HIP1: variants seen among roughly 807,000 people sequenced by gnomAD.
HIP1 encodes huntingtin-interacting protein 1.
HIP1 carries 65 observed loss-of-function variants against 147.6 expected under a neutral mutation model. The ratio of observed to expected loss-of-function variants is 0.44; its 90% CI spans 0.36 to 0.54. The LOEUF is 0.54. HIP1 is among the 20% of genes least tolerant of loss of function. The probability of loss-of-function intolerance (pLI) is 0.00; values close to 1 mark genes in which losing one functional copy is unlikely to be tolerated. For synonymous variants in HIP1, 479 were observed against 504.0 expected (o/e 0.95, Z 0.67); for missense variants, 1,061 against 1,299.6 (o/e 0.82, Z 2.82).
intron 1 of HIP1, among the ~76,000 whole-genome samples, chr7:75,723,199 C>G (rs1306251402): frequency 1.3e-5 from 2 of 152,108 alleles, no homozygotes; most frequent in Non-Finnish European, 2.9e-5. Flanking sequence ...CACCCCATCC[C>G]ATCTCTACTA....
chr7:75,634,415 A>G (rs1200408268), intron 1 of HIP1, among the ~76,000 whole-genome samples: 1 of 152,226 alleles, frequency 6.6e-6, no homozygotes, highest in Non-Finnish European at 1.5e-5. Context: ...ACTTGTGTCC[A>G]TTCTAGAATC....
rs879973639 is a variant in HIP1, at chr7:75,574,287, GA to G, written c.605-387del. Reference sequence around the variant, plus strand: ...CAGCAACAGAGCAAAACTCAGTCTCGAAAAAAAAAAAGTGGTTTTGGCAGGG... The same window carrying G: ...CAGCAACAGAGCAAAACTCAGTCTCGAAAAAAAAAAGTGGTTTTGGCAGGG... On this transcript the variant is annotated intron_variant, in intron 7 of 30. Coordinates refer to ENST00000336926, the MANE Select transcript of HIP1 (RefSeq NM_005338.7). Among the ~76,000 whole-genome samples, 43 of 143,534 alleles carry G rather than the reference GA, an allele frequency of 3.0e-4. No individual in the cohort carries two copies. In the South Asian group the frequency reaches 4.4e-3, roughly 15 times the overall value. The allele number at this position is 143,534 out of a possible 152,430, so 94.2% of individuals were successfully genotyped here.
Position 75,627,247 on chromosome 7 carries a change from C to G in HIP1, c.121-28000G>C, listed in dbSNP as rs187064327. Among the ~76,000 whole-genome samples, 4 of 152,326 alleles carry G rather than the reference C, an allele frequency of 2.6e-5. No individual in the cohort carries two copies. The East Asian group carries it at 5.8e-4, about 22-fold the overall frequency. On this transcript the variant is annotated intron_variant, in intron 1 of 30. Coordinates refer to ENST00000336926, the MANE Select transcript of HIP1 (RefSeq NM_005338.7). ...CAGCACATGGCATATCAAGGGCACT[C>G]TATAAACCTTTTCCAAATAAATGAA... is the stretch of plus-strand genomic sequence containing the variant.
intron 22 of HIP1, among the ~76,000 whole-genome samples, 170 bp downstream of exon 22, chr7:75,553,283 C>T (rs774045979): frequency 2.2e-4 from 34 of 151,678 alleles, no homozygotes; most frequent in South Asian, 1.5e-3. Context: ...TGGGATTACA[C>T]GCATAAATCA....
chr7:75,717,064 T>C (rs1554520684), intron 1 of HIP1, among the ~76,000 whole-genome samples: 1 of 151,562 alleles, frequency 6.6e-6, no homozygotes, highest in East Asian at 2.0e-4. Context: ...AGCAATCCTC[T>C]CGCCCCTGCC....
At chr7:75,660,136 C>A (rs1373432918) in intron 1 of HIP1, among the ~76,000 whole-genome samples, 2 of 149,284 alleles carry the variant, frequency 1.3e-5, no homozygotes, top group African/African-American at 2.5e-5. Context: ...AAAAACAAAA[C>A]AAAACACACA....
chr7:75,720,148 T>C (rs1345172538), intron 1 of HIP1, among the ~76,000 whole-genome samples: 2 of 151,842 alleles, frequency 1.3e-5, no homozygotes, highest in African/African-American at 4.8e-5. Flanking sequence ...TTGTTTTGTT[T>C]TGTTTTTGTT....
intron 1 of HIP1, among the ~76,000 whole-genome samples, chr7:75,602,669 A>T (rs1403820099): frequency 6.6e-6 from 1 of 151,750 alleles, no homozygotes; most frequent in African/African-American, 2.4e-5. Context: ...CGCCCAGCTA[A>T]TGAATATGTT....
chr7:75,643,956 C>T (rs1044362449), intron 1 of HIP1, among the ~76,000 whole-genome samples: 9 of 152,064 alleles, frequency 5.9e-5, no homozygotes, highest in Non-Finnish European at 1.2e-4. Context: ...GCCAAGATCC[C>T]GCTGCTGCAC....
In HIP1 at chr7:75,563,272, G is replaced by C; in HGVS notation, c.804-9C>G. The C allele has an allele frequency of 6.2e-7, 1 of 1,613,932 alleles. No homozygotes were observed. The highest frequency in any genetic ancestry group is 2.2e-5 in the East Asian group (1 of 44,882). On this transcript the variant is annotated splice_polypyrimidine_tract_variant and intron_variant, in intron 9 of 30. Transcript: ENST00000336926. ...AGAACAGATCTTTCAACCTAGGGGT[G>C]GAGAAGGACCTGAGGGGTGCTGGGT...
chr7:75,618,188 C>T (rs1554506442), intron 1 of HIP1, among the ~76,000 whole-genome samples: 1 of 152,162 alleles, frequency 6.6e-6, no homozygotes. Flanking sequence ...TTCACTGTCA[C>T]CCAGGCTGGA....
intron 1 of HIP1, among the ~76,000 whole-genome samples, chr7:75,606,304 A>T (rs1797221578): frequency 1.3e-5 from 2 of 152,198 alleles, no homozygotes; most frequent in Non-Finnish European, 2.9e-5. Context: ...AGAAGGATGC[A>T]TCCATGGTGC....
At chr7:75,693,415 ACTT>A (rs1186211018) in intron 1 of HIP1, among the ~76,000 whole-genome samples, 1 of 151,998 alleles carries the variant, frequency 6.6e-6, no homozygotes, top group East Asian at 1.9e-4. Context: ...TACCGCACTC[ACTT>A]CTTCTGGCTG....
intron 1 of HIP1, among the ~76,000 whole-genome samples, chr7:75,621,226 G>A (rs79618780): frequency 0.015 from 2,320 of 152,140 alleles, 19 homozygotes; most frequent in East Asian, 0.066. Context: ...ATAACATGAA[G>A]AGGAAGTGAG....
chr7:75,575,672 C>T (rs1259640089), intron 7 of HIP1, among the ~76,000 whole-genome samples: 2 of 152,104 alleles, frequency 1.3e-5, no homozygotes, highest in Admixed American at 6.6e-5. Context: ...TCCTGCCCCC[C>T]ATCCTAGACC....
chr7:75,574,288 A>G (rs1032794331), intron 7 of HIP1, among the ~76,000 whole-genome samples: 2 of 146,172 alleles, frequency 1.4e-5, no homozygotes. Flanking sequence ...CTCAGTCTCG[A>G]AAAAAAAAAA....
intron 1 of HIP1, among the ~76,000 whole-genome samples, chr7:75,624,074 T>G (rs1335774266): frequency 6.6e-6 from 1 of 152,080 alleles, no homozygotes; most frequent in Non-Finnish European, 1.5e-5. Context: ...GAGCTGGACC[T>G]TGTAAAAGAA....
At position 75,562,163 on chromosome 7, in the gene HIP1, A is replaced by G. The variant is rs1795249824; in HGVS notation, c.1028T>C (p.Phe343Ser). The change falls in exon 12 of 31, where the codon TTT becomes TCT. Residue 343 changes from phenylalanine (F) to serine (S), a missense_variant. By Grantham distance (155) the Phe-to-Ser change is radical (BLOSUM62 -2). Coordinates refer to ENST00000336926, the MANE Select transcript of HIP1 (RefSeq NM_005338.7). ...MDMDASQQNL[F>S]DNKFDDIFGS... is the part of the protein sequence containing the mutation. ...AAAGATGTCATCAAACTTGTTGTCA[A>G]ATAAATTCTGTGGTTGACCAAAAAG... 2 of 1,612,384 alleles carry G rather than the reference A, an allele frequency of 1.2e-6. No individual in the cohort carries two copies. Among genetic ancestry groups the G allele is most frequent in the Non-Finnish European group, 8.5e-7 (1 of 1,178,438 alleles).
At chr7:75,707,467 T>C (rs1199912379) in intron 1 of HIP1, among the ~76,000 whole-genome samples, 4 of 122,576 alleles carry the variant, frequency 3.3e-5, no homozygotes, top group African/African-American at 1.3e-4. Context: ...TTCGCCCACT[T>C]TTTGATGGGG....
Sources: allele counts gnomAD v4.1 joint callset (sites outside exome capture counted in the v4.1 genomes callset), GRCh38; gene constraint gnomAD v4.1.1; transcripts MANE v1.5; gene names NCBI Gene and HGNC (gene_info 2026-07-23, HGNC 2026-07-21).